ARAF: variants seen among roughly 807,000 people sequenced by gnomAD.
ARAF encodes serine/threonine-protein kinase A-Raf.
A neutral mutation model predicts 48.0 loss-of-function variants in ARAF; 18 were observed. The ratio of observed to expected loss-of-function variants is 0.37; its 90% CI spans 0.26 to 0.56. ARAF has a LOEUF of 0.56. ARAF is among the 20% of genes least tolerant of loss of function. ARAF has a pLI of 0.77. For synonymous variants in ARAF, 207 were observed against 220.1 expected (o/e 0.94, Z 0.53); for missense variants, 389 against 543.1 (o/e 0.72, Z 2.82).
In ARAF at chrX:47,571,694, CT is replaced by C. The variant is rs1420815270; in HGVS notation, c.*239del. 9.8e-6 allele frequency: 4 copies of C among 406,233 alleles called. No individual in the cohort carries two copies. The Admixed American group carries it at 2.1e-4, about 21-fold the overall frequency. 33.5% of individuals were successfully genotyped at this position (406,233 alleles called of 1,213,427 possible). ...TGGTTTCCTCTTGGCTTTGGGGATA[CT>C]TCTAAATTTTGGGAGCTCCTCCATC... On this transcript the variant is annotated 3_prime_UTR_variant, in exon 16 of 16. Coordinates refer to ENST00000377045, the MANE Select transcript of ARAF (RefSeq NM_001654.5).
chrX:47,568,201 C>T (rs2057741244), intron 10 of ARAF, among the ~76,000 whole-genome samples: 1 of 111,576 alleles, frequency 9.0e-6, no homozygotes, highest in South Asian at 3.8e-4. Context: ...CCTGGTGAGG[C>T]CTAGATTTGA....
chrX:47,562,489 A>C (rs2057713842), intron 1 of ARAF, among the ~76,000 whole-genome samples: 3 of 106,721 alleles, frequency 2.8e-5, no homozygotes, highest in African/African-American at 1.0e-4. Flanking sequence ...CTGTCAGAAA[A>C]AAAAAAAAAC....
At chrX:47,562,483 CAG>C (rs1156475394) in intron 1 of ARAF, among the ~76,000 whole-genome samples, 1,478 of 59,911 alleles carry the variant, frequency 0.025, 40 homozygotes, top group African/African-American at 0.11. Flanking sequence ...GAAACTCTGT[CAG>C]AAAAAAAAAA....
chrX:47,567,442 CAT>C lies in ARAF; in HGVS notation c.1076+11_1076+12del, dbSNP rs1861653453. 2.5e-6 allele frequency: 3 copies of C among 1,195,058 alleles called. No homozygotes were observed. Among genetic ancestry groups the C allele is most frequent in the African/African-American group, 1.7e-5 (1 of 57,521 alleles). ...AGATGCAGGTGCTCAGGTGAGGTGG[CAT>C]GTGTGCGTGGATGGGGGTGGCAGGC... On this transcript the variant is annotated intron_variant, in intron 10 of 15. Transcript: ENST00000377045.
intron 1 of ARAF, 140 bp from the exon 2 acceptor site, chrX:47,562,769 A>G: frequency 2.4e-6 from 1 of 411,499 alleles, no homozygotes; most frequent in Non-Finnish European, 4.3e-6. Flanking sequence ...AGATGTGAGC[A>G]GGATCTCTTG....
At chrX:47,563,683 A>G (rs1386090639) in intron 3 of ARAF, among the ~76,000 whole-genome samples, 1 of 112,386 alleles carries the variant, frequency 8.9e-6, no homozygotes, top group African/African-American at 3.2e-5. Context: ...CTTCTTCACA[A>G]TTCCAAAGAT....
At chrX:47,571,249 T>G (rs2057756457) in intron 15 of ARAF, 74 bp from the exon 16 acceptor site, 7 of 951,946 alleles carry the variant, frequency 7.4e-6, no homozygotes, top group Middle Eastern at 3.0e-4. Flanking sequence ...GTGTGTGTGT[T>G]TCGCCATGAG....
intron 1 of ARAF, among the ~76,000 whole-genome samples, chrX:47,561,816 T>C (rs1424338212): frequency 1.3e-4 from 14 of 108,201 alleles, no homozygotes; most frequent in African/African-American, 4.7e-4. Context: ...CGCAACACCA[T>C]ACCTTCCTTC....
chrX:47,570,236 C>A, intron 14 of ARAF: 1 of 415,657 alleles, frequency 2.4e-6, no homozygotes, highest in Non-Finnish European at 4.0e-6. Context: ...TTCTCACATC[C>A]ACAGCCCTCT....
In ARAF at chrX:47,566,619, C is replaced by T. The variant is rs770447410; in HGVS notation, c.558-20C>T. 7.0e-6 allele frequency: 8 copies of T among 1,139,735 alleles called. No individual in the cohort carries two copies. Among genetic ancestry groups the T allele is most frequent in the Non-Finnish European group, 9.3e-6 (8 of 860,426 alleles). 93.9% of individuals were successfully genotyped at this position (1,139,735 alleles called of 1,213,427 possible). Reference sequence around the variant, plus strand: ...GTTCTCTGATTCCTGGCAGTGATTTCACAGCCTTTCCCCTGGCAGCCCCCG... The same window carrying T: ...GTTCTCTGATTCCTGGCAGTGATTTTACAGCCTTTCCCCTGGCAGCCCCCG... On this transcript the variant is annotated intron_variant, in intron 6 of 15. Coordinates refer to ENST00000377045, the MANE Select transcript of ARAF (RefSeq NM_001654.5).
Position 47,564,966 on chromosome X carries a change from C to G in ARAF, c.304-19C>G. ...GTGTCCTTGACCAGGTCTCAAACTT[C>G]CCTGCTCTGTGGCATCAGGTACGGA... On this transcript the variant is annotated intron_variant, in intron 4 of 15. Transcript: ENST00000377045. 8.3e-7 allele frequency: 1 copy of G among 1,211,963 alleles called. No homozygotes were observed. The highest frequency in any genetic ancestry group is 1.7e-5 in the African/African-American group (1 of 57,888).
chrX:47,567,488 T>C (rs2057738948), intron 10 of ARAF, 56 bp downstream of exon 10: 1 of 1,119,209 alleles, frequency 8.9e-7, no homozygotes, highest in Non-Finnish European at 1.2e-6. Context: ...GGCATCTCTC[T>C]GGGAAAAGGC....
chrX:47,571,101 C>T (rs1460490524), intron 15 of ARAF, 89 bp downstream of exon 15: 3 of 1,062,272 alleles, frequency 2.8e-6, no homozygotes, highest in Non-Finnish European at 3.8e-6. Context: ...TATGAAAGCT[C>T]AGAGGTATAG....
chrX:47,571,475 AG>A lies in ARAF; in HGVS notation c.*21del. ...TGCCTTAGGCCCCGCCCAAGCCACC[AG>A]GGAGCCAATCTCAGCCCTCCACGCC... On this transcript the variant is annotated 3_prime_UTR_variant, in exon 16 of 16. Transcript: ENST00000377045. 1 of 1,196,518 alleles carries A rather than the reference AG, an allele frequency of 8.4e-7. No homozygotes were observed.
At chrX:47,562,500 A>C (rs745346439) in intron 1 of ARAF, among the ~76,000 whole-genome samples, 1 of 97,075 alleles carries the variant, frequency 1.0e-5, no homozygotes, top group Non-Finnish European at 2.1e-5. Context: ...AAAAAAAAAC[A>C]GAAAAAAAAA....
intron 15 of ARAF, 98 bp downstream of exon 15, chrX:47,571,110 AGTGTGTGT>A (rs34644595): frequency 1.1e-4 from 93 of 816,522 alleles, no homozygotes; most frequent in African/African-American, 2.5e-4. Flanking sequence ...TCAGAGGTAT[AGTGTGTGT>A]GTGTGTGTGT....
chrX:47,567,093 C>A lies in ARAF; in HGVS notation c.835C>A (p.Arg279Ser). Reference sequence around the variant, plus strand: ...ACATTCCAAGTCACCAGCAGAGCAGCGCGAGCGGAAGTCCTTGGCCGATGA... The same window carrying A: ...ACATTCCAAGTCACCAGCAGAGCAGAGCGAGCGGAAGTCCTTGGCCGATGA... The part of the protein sequence containing the change: ...SPHSKSPAEQ[R>S]ERKSLADDKK... Residue 279 changes from arginine to serine, a missense_variant, in exon 9 of 16, where the codon CGC becomes AGC. Around this residue, in one of 4 missense-constraint regions of ARAF, gnomAD observed 154 missense variants for 133.6 expected, o/e 1.15. Coordinates refer to ENST00000377045, the MANE Select transcript of ARAF (RefSeq NM_001654.5). 1 of 1,211,690 alleles carries A rather than the reference C, an allele frequency of 8.3e-7. No homozygotes were observed. The highest frequency in any genetic ancestry group is 1.8e-5 in the South Asian group (1 of 56,972).
intron 1 of ARAF, among the ~76,000 whole-genome samples, chrX:47,561,688 G>A (rs760134368): frequency 1.9e-4 from 21 of 108,921 alleles, no homozygotes; most frequent in Non-Finnish European, 3.6e-4. Flanking sequence ...CAGGATTCTC[G>A]CCTCTGTAAC....
rs1004838768 is a variant in ARAF at position 47,571,600 on chromosome X, T to C, written c.*143T>C. On this transcript the variant is annotated 3_prime_UTR_variant, in exon 16 of 16. Transcript: ENST00000377045. ...CCTGGGAGATGAGGGGGTCCCCATG[T>C]GCTTTTCCAGTTCTTCTGGAATTGG... 1.1e-6 allele frequency: 1 copy of C among 877,999 alleles called. No individual in the cohort carries two copies. The highest frequency in any genetic ancestry group is 2.0e-5 in the African/African-American group (1 of 48,817). The allele number at this position is 877,999 out of a possible 1,213,427, so 72.4% of individuals were successfully genotyped here. A position where few individuals can be genotyped will look rare whatever the true frequency, so the allele number is the denominator to read the frequency against.
Sources: gnomAD v4.1 joint callset for allele counts (sites outside exome capture counted in the v4.1 genomes callset) on GRCh38, gnomAD v4.1.1 for gene constraint, gnomAD v4.1.1 regional missense constraint, MANE v1.5 for transcripts, NCBI Gene and HGNC (gene_info 2026-07-23, HGNC 2026-07-21) for gene names.